PKNOX2: variants seen among roughly 807,000 people sequenced by gnomAD.
The protein encoded by PKNOX2 is PBX/knotted 1 homeobox 2.
A neutral mutation model predicts 53.1 loss-of-function variants in PKNOX2; 14 were observed. The ratio of observed to expected loss-of-function variants is 0.26; its 90% CI spans 0.17 to 0.41. The LOEUF is 0.41. Ranked by LOEUF, PKNOX2 falls within the 10% of genes least tolerant of loss-of-function variation. The pLI is 1.00. For synonymous variants in PKNOX2, 257 were observed against 242.8 expected, an observed-to-expected ratio of 1.06 and a Z score of -0.54; for missense variants, 496 against 602.8, an observed-to-expected ratio of 0.82 and a Z score of 1.85.
chr11:125,428,431 G>T (rs1205189839), intron 10 of PKNOX2, among the ~76,000 whole-genome samples: 1 of 152,110 alleles, frequency 6.6e-6, no homozygotes, highest in Non-Finnish European at 1.5e-5. Context: ...TTTCAATGAT[G>T]TGCTTTATTA....
intron 10 of PKNOX2, among the ~76,000 whole-genome samples, chr11:125,412,944 T>C (rs1264982246): frequency 6.6e-6 from 1 of 152,106 alleles, no homozygotes; most frequent in Admixed American, 6.5e-5. Context: ...TCTCAGACTT[T>C]AGTGGCAGCA....
Position 125,310,724 on chromosome 11 carries a change from A to G in PKNOX2, c.-129-21095A>G, listed in dbSNP as rs534092823. 1.4e-4 allele frequency among the ~76,000 whole-genome samples: 21 copies of G among 152,184 alleles called. No homozygotes were observed. The East Asian group carries it at 2.3e-3, about 17-fold the overall frequency. ...TGCAATCCTGTTCTTTCCATACTCCAAGATATAATTTGCCATTGTCCACAG... is the reference window on the plus strand; with the variant it reads ...TGCAATCCTGTTCTTTCCATACTCCGAGATATAATTTGCCATTGTCCACAG... On this transcript the variant is annotated intron_variant, in intron 2 of 12. Coordinates refer to ENST00000298282, the MANE Select transcript of PKNOX2 (RefSeq NM_001382323.2).
intron 2 of PKNOX2, among the ~76,000 whole-genome samples, chr11:125,310,187 CTTCT>C (rs1235830132): frequency 6.6e-5 from 10 of 152,040 alleles, no homozygotes; most frequent in African/African-American, 2.4e-4. Context: ...TTGGTCATCT[CTTCT>C]TTCTTTCATA....
chr11:125,222,601 G>GTA (rs1359837147), intron 1 of PKNOX2, among the ~76,000 whole-genome samples: 2 of 130,608 alleles, frequency 1.5e-5, no homozygotes, highest in African/African-American at 2.8e-5. Flanking sequence ...GTGTGTGTGT[G>GTA]TGTCTGTGTG....
At chr11:125,345,633 G>A (rs564845099) in intron 3 of PKNOX2, among the ~76,000 whole-genome samples, 18 of 152,194 alleles carry the variant, frequency 1.2e-4, no homozygotes, top group African/African-American at 2.6e-4. Context: ...GGTTGACACC[G>A]TTATTTCAAG....
intron 2 of PKNOX2, among the ~76,000 whole-genome samples, chr11:125,286,550 C>T (rs1440062763): frequency 6.6e-6 from 1 of 152,230 alleles, no homozygotes; most frequent in Non-Finnish European, 1.5e-5. Flanking sequence ...GGCCCTATGC[C>T]ACCCCTTCGC....
rs139564307 is a variant in PKNOX2, at chr11:125,391,137, G to A, written c.399+5415G>A. On this transcript the variant is annotated intron_variant, in intron 6 of 12. Transcript: ENST00000298282. Reference sequence around the variant, plus strand: ...AATTTGCAAAAAGGAAGGAGAGGGTGAAAGGAATGTGCCTGCAAAACAAAG... The same window carrying A: ...AATTTGCAAAAAGGAAGGAGAGGGTAAAAGGAATGTGCCTGCAAAACAAAG... Among the ~76,000 whole-genome samples, 672 of 152,328 alleles carry A rather than the reference G, an allele frequency of 4.4e-3. 9 individuals carry two copies. Among genetic ancestry groups the A allele is most frequent in the African/African-American group, 0.015 (638 of 41,574 alleles).
chr11:125,268,401 G>A (rs1272609168), intron 2 of PKNOX2, among the ~76,000 whole-genome samples: 2 of 152,238 alleles, frequency 1.3e-5, no homozygotes, highest in African/African-American at 4.8e-5. Context: ...GCTGATAACA[G>A]CTCCTTGACC....
Position 125,431,375 on chromosome 11 carries a change from A to G in PKNOX2, c.1402A>G (p.Ser468Gly), listed in dbSNP as rs201663625. The change falls in exon 13 of 13, where the codon AGT becomes GGT. Residue 468 changes from serine to glycine, a missense_variant. Around this residue, in one of 5 missense-constraint regions of PKNOX2, gnomAD observed 139 missense variants for 161.3 expected, o/e 0.86. Coordinates refer to ENST00000298282, the MANE Select transcript of PKNOX2 (RefSeq NM_001382323.2). Reference protein sequence around the residue: ...TNVSDLGLEHSDSLE With the variant: ...TNVSDLGLEHGDSLE ...TGTCAGCGACCTGGGCTTGGAACACAGTGACTCCCTGGAGTAGTCGGGCAG... is the reference window on the plus strand; with the variant it reads ...TGTCAGCGACCTGGGCTTGGAACACGGTGACTCCCTGGAGTAGTCGGGCAG... The G allele has an allele frequency of 3.3e-5, 51 of 1,532,414 alleles. 1 individual carries two copies. The highest frequency in any genetic ancestry group is 8.9e-5 in the South Asian group (8 of 90,022). The allele number at this position is 1,532,414 out of a possible 1,614,324, so 94.9% of individuals were successfully genotyped here. A position where few individuals can be genotyped will look rare whatever the true frequency, so the allele number is the denominator to read the frequency against.
chr11:125,272,009 C>T (rs934779580), intron 2 of PKNOX2, among the ~76,000 whole-genome samples: 4 of 152,238 alleles, frequency 2.6e-5, no homozygotes, highest in African/African-American at 4.8e-5. Context: ...AACGCTATAG[C>T]GACAAATCAC....
intron 1 of PKNOX2, among the ~76,000 whole-genome samples, chr11:125,210,841 A>T (rs1277927933): frequency 6.6e-6 from 1 of 152,072 alleles, no homozygotes; most frequent in Non-Finnish European, 1.5e-5. Context: ...ACAGGGGTAA[A>T]AGGATAAACT....
chr11:125,359,803 G>A (rs866410620), intron 4 of PKNOX2, among the ~76,000 whole-genome samples: 79 of 152,312 alleles, frequency 5.2e-4, no homozygotes, highest in Non-Finnish European at 1.8e-4. Flanking sequence ...AGCCTAAGGG[G>A]GCCCTCCTGG....
chr11:125,357,030 C>T (rs1230033723), intron 4 of PKNOX2, among the ~76,000 whole-genome samples: 2 of 152,286 alleles, frequency 1.3e-5, no homozygotes, highest in African/African-American at 4.8e-5. Context: ...AATTCAGCAG[C>T]TTTGAAAGTT....
chr11:125,330,122 G>C, intron 2 of PKNOX2: 1 of 152,860 alleles, frequency 6.5e-6, no homozygotes, highest in East Asian at 1.9e-4. Flanking sequence ...GAGGGGAGAA[G>C]GGCCCTTTGT....
intron 5 of PKNOX2, among the ~76,000 whole-genome samples, chr11:125,375,535 C>T (rs1394005702): frequency 1.3e-5 from 2 of 152,174 alleles, no homozygotes; most frequent in African/African-American, 4.8e-5. Flanking sequence ...TAGCCTGATG[C>T]GGTCATTTAA....
intron 5 of PKNOX2, among the ~76,000 whole-genome samples, chr11:125,375,143 T>C (rs73628715): frequency 0.036 from 5,446 of 152,262 alleles, 293 homozygotes; most frequent in African/African-American, 0.12. Context: ...TCTGACTCTA[T>C]CATCGGGCAA....
At chr11:125,226,149 A>G (rs939403427) in intron 1 of PKNOX2, among the ~76,000 whole-genome samples, 2 of 152,234 alleles carry the variant, frequency 1.3e-5, no homozygotes, top group African/African-American at 4.8e-5. Flanking sequence ...TCATTTTTAC[A>G]ATATGTCTGC....
chr11:125,235,583 C>G (rs1942609253), intron 2 of PKNOX2, among the ~76,000 whole-genome samples: 1 of 152,256 alleles, frequency 6.6e-6, no homozygotes, highest in Non-Finnish European at 1.5e-5. Flanking sequence ...CTGACCGCTT[C>G]CCTTCCATCA....
rs541504852 is a variant in PKNOX2, at chr11:125,416,606, A to G, written c.936+4741A>G. Among the ~76,000 whole-genome samples the G allele has an allele frequency of 2.6e-5, 4 of 152,184 alleles. No homozygotes were observed. The East Asian group carries it at 7.7e-4, about 29-fold the overall frequency. The stretch of plus-strand genomic sequence containing the variant: ...ATAGAATTGGCATAAACCAGTCTGC[A>G]TACGAGCACTGCTGACTTTCAGATA... On this transcript the variant is annotated intron_variant, in intron 10 of 12. Transcript: ENST00000298282.
Sources: gnomAD v4.1 joint callset for allele counts (sites outside exome capture counted in the v4.1 genomes callset) on GRCh38, gnomAD v4.1.1 for gene constraint, gnomAD v4.1.1 regional missense constraint, MANE v1.5 for transcripts, NCBI Gene and HGNC (gene_info 2026-07-23, HGNC 2026-07-21) for gene names.